Variants in ZNF831 observed in about 807,000 individuals in gnomAD.
ZNF831 encodes the protein chromosome 20 open reading frame 174.
A neutral mutation model predicts 95.8 loss-of-function variants in ZNF831; 59 were observed. The observed-to-expected ratio is 0.62, with a 90% CI of 0.50 to 0.77. The LOEUF is 0.77. Ranked by LOEUF, ZNF831 falls within the 30% of genes least tolerant of loss-of-function variation. The probability of loss-of-function intolerance (pLI) is 0.00; values close to 1 mark genes in which losing one functional copy is unlikely to be tolerated. For synonymous variants in ZNF831, 961 were observed against 925.5 expected (o/e 1.04, Z -0.70); for missense variants, 2,205 against 2,164.0 (o/e 1.02, Z -0.38).
chr20:59,140,840 A>G (rs1171324402), intron 1 of ZNF831, among the ~76,000 whole-genome samples: 2 of 152,118 alleles, frequency 1.3e-5, no homozygotes, highest in Non-Finnish European at 2.9e-5. Context: ...TTCTGTCTGG[A>G]TATTGGCCCT....
chr20:59,180,643 T>C (rs952277238), intron 1 of ZNF831, among the ~76,000 whole-genome samples: 1 of 152,118 alleles, frequency 6.6e-6, no homozygotes, highest in Non-Finnish European at 1.5e-5. Context: ...TCTGTTCCTG[T>C]GTTAGTTTGC....
chr20:59,200,731 A>G (rs1365397011), intron 3 of ZNF831, among the ~76,000 whole-genome samples: 5 of 152,032 alleles, frequency 3.3e-5, no homozygotes, highest in African/African-American at 1.2e-4. Flanking sequence ...GAATCATACA[A>G]TATATGCTCT....
In ZNF831 at chr20:59,191,674, A is replaced by G. The variant is rs2146551479; in HGVS notation, c.655A>G (p.Lys219Glu). ...AGGGLLEEGD[K>E]AGEPPRPEGR... is the part of the protein sequence containing the mutation. ...GGGCGGCCTCCTGGAGGAAGGGGAC[A>G]AGGCCGGAGAGCCCCCCAGACCAGA... The change falls in exon 2 of 6, where the codon AAG becomes GAG. Residue 219 changes from lysine to glutamate, a missense_variant. Transcript: ENST00000371030. The G allele has an allele frequency of 6.4e-7, 1 of 1,558,340 alleles. No individual in the cohort carries two copies. The highest frequency in any genetic ancestry group is 8.7e-7 in the Non-Finnish European group (1 of 1,152,434).
rs1052104898 is a variant in ZNF831 at position 59,211,062 on chromosome 20, A to C, written c.4027+4006A>C. On this transcript the variant is annotated intron_variant, in intron 4 of 5. Transcript: ENST00000371030. Reference sequence around the variant, plus strand: ...CTCAAAAAAAAAGAAAAAAAAAAAAAAAACAAATCCAAGGAGAAAAAAAAA... The same window carrying C: ...CTCAAAAAAAAAGAAAAAAAAAAAACAAACAAATCCAAGGAGAAAAAAAAA... Among the ~76,000 whole-genome samples the C allele has an allele frequency of 3.3e-5, 5 of 151,696 alleles. 1 individual carries two copies. Among genetic ancestry groups the C allele is most frequent in the African/African-American group, 4.9e-5 (2 of 41,220 alleles).
chr20:59,212,206 A>G (rs748935507), intron 4 of ZNF831, among the ~76,000 whole-genome samples: 7 of 152,178 alleles, frequency 4.6e-5, no homozygotes, highest in African/African-American at 1.7e-4. Flanking sequence ...AAATATTTTT[A>G]AAAAAGATGT....
chr20:59,191,705 G>C lies in ZNF831; in HGVS notation c.686G>C (p.Arg229Thr), dbSNP rs749472461. 1 of 1,568,510 alleles carries C rather than the reference G, an allele frequency of 6.4e-7. No homozygotes were observed. Among genetic ancestry groups the C allele is most frequent in the Non-Finnish European group, 8.6e-7 (1 of 1,156,268 alleles). The change falls in exon 2 of 6, where the codon AGG (arginine) becomes ACG (threonine). Residue 229 changes from arginine (R) to threonine (T), a missense_variant. By Grantham distance (71) the Arg-to-Thr change is moderately conservative (BLOSUM62 -1). Transcript: ENST00000371030. ...KAGEPPRPEGRGESRCQGMHE... is the reference protein window; with the variant it reads ...KAGEPPRPEGTGESRCQGMHE... ...GGAGAGCCCCCCAGACCAGAGGGCAGGGGCGAGAGCAGGTGCCAGGGGATG... is the reference window on the plus strand; with the variant it reads ...GGAGAGCCCCCCAGACCAGAGGGCACGGGCGAGAGCAGGTGCCAGGGGATG...
At chr20:59,253,196 G>A (rs1334391030) in intron 5 of ZNF831, 58 bp downstream of exon 5, 32 of 1,570,742 alleles carry the variant, frequency 2.0e-5, no homozygotes, top group Non-Finnish European at 2.6e-5. Flanking sequence ...GTATAGCCCT[G>A]CTTGTTCTTG....
chr20:59,194,690 C>A lies in ZNF831; in HGVS notation c.3671C>A (p.Pro1224His), dbSNP rs2146603786. Residue 1224 changes from proline (P) to histidine (H), a missense_variant, in exon 2 of 6, where the codon CCT becomes CAT. Transcript: ENST00000371030. ...SSLRDEGPNGPPGSNGGWTWT... is the reference protein window; with the variant it reads ...SSLRDEGPNGHPGSNGGWTWT... ...CTCCGAGATGAGGGTCCCAATGGCCCTCCTGGGAGCAATGGAGGATGGACC... is the reference window on the plus strand; with the variant it reads ...CTCCGAGATGAGGGTCCCAATGGCCATCCTGGGAGCAATGGAGGATGGACC... 6.2e-7 allele frequency: 1 copy of A among 1,609,896 alleles called. No homozygotes were observed. The highest frequency in any genetic ancestry group is 8.5e-7 in the Non-Finnish European group (1 of 1,177,956).
chr20:59,214,493 G>A (rs543541051), intron 4 of ZNF831, among the ~76,000 whole-genome samples: 2 of 152,218 alleles, frequency 1.3e-5, no homozygotes, highest in South Asian at 4.1e-4. Flanking sequence ...GTCATCTTGA[G>A]TCAGCTGGTG....
At chr20:59,230,958 G>A (rs187776023) in intron 4 of ZNF831, among the ~76,000 whole-genome samples, 6 of 152,310 alleles carry the variant, frequency 3.9e-5, no homozygotes, top group Admixed American at 3.9e-4. Context: ...CTGGAGGCCA[G>A]GTTTCTTCTG....
At chr20:59,251,019 A>G (rs1185929586) in intron 4 of ZNF831, among the ~76,000 whole-genome samples, 1 of 152,220 alleles carries the variant, frequency 6.6e-6, no homozygotes, top group Non-Finnish European at 1.5e-5. Flanking sequence ...GTTAATGACA[A>G]TGTTTTGTAT....
chr20:59,129,084 C>T (rs538119453), intron 1 of ZNF831, among the ~76,000 whole-genome samples: 31 of 152,304 alleles, frequency 2.0e-4, no homozygotes, highest in African/African-American at 7.2e-4. Context: ...TAATTTTAGA[C>T]TCACAGGAAG....
At position 59,226,466 on chromosome 20, in the gene ZNF831, C is replaced by T. The variant is rs573594195; in HGVS notation, c.4027+19410C>T. ...TCCCTCCACATTTTTCTTGAGAGTA[C>T]CCCTTTAATAAAGCACTTTCACAAG... is the stretch of plus-strand genomic sequence containing the variant. On this transcript the variant is annotated intron_variant, in intron 4 of 5. Coordinates refer to ENST00000371030, the MANE Select transcript of ZNF831 (RefSeq NM_178457.3). 5.8e-4 allele frequency among the ~76,000 whole-genome samples: 88 copies of T among 152,104 alleles called. 1 individual carries two copies. The highest frequency in any genetic ancestry group is 6.6e-4 in the Non-Finnish European group (45 of 68,010).
rs1380464081 is a variant in ZNF831 at position 59,214,357 on chromosome 20, C to T, written c.4027+7301C>T. 7.2e-5 allele frequency among the ~76,000 whole-genome samples: 11 copies of T among 152,282 alleles called. No homozygotes were observed. The East Asian group carries it at 2.1e-3, about 29-fold the overall frequency. ...TGGGTCAGGGAAGGGTGAGCTTCAA[C>T]AGTCAGGGTGTAGGTTAAATGCATG... is the stretch of plus-strand genomic sequence containing the variant. On this transcript the variant is annotated intron_variant, in intron 4 of 5. Transcript: ENST00000371030.
chr20:59,248,517 G>A (rs559071584), intron 4 of ZNF831, among the ~76,000 whole-genome samples: 2 of 152,302 alleles, frequency 1.3e-5, no homozygotes, highest in South Asian at 4.1e-4. Context: ...TACTTTCATA[G>A]ATGAGTCAGA....
intron 5 of ZNF831, among the ~76,000 whole-genome samples, chr20:59,253,395 C>T (rs998196299): frequency 6.6e-6 from 1 of 152,086 alleles, no homozygotes; most frequent in African/African-American, 2.4e-5. Context: ...TTACTGCACA[C>T]CTGAATAGAG....
At chr20:59,171,856 C>T (rs1981764215) in intron 1 of ZNF831, among the ~76,000 whole-genome samples, 1 of 152,204 alleles carries the variant, frequency 6.6e-6, no homozygotes, top group Non-Finnish European at 1.5e-5. Flanking sequence ...TCCTTGACCT[C>T]AGCTGCCCTG....
chr20:59,183,798 A>T (rs1249556906), intron 1 of ZNF831, among the ~76,000 whole-genome samples: 1 of 152,218 alleles, frequency 6.6e-6, no homozygotes, highest in Non-Finnish European at 1.5e-5. Flanking sequence ...GAGACCTCCC[A>T]TCCACCTCTT....
In ZNF831 at chr20:59,257,172, G is replaced by A. The variant is rs188083386; in HGVS notation, c.*2429G>A. The A allele has an allele frequency of 2.0e-5, 3 of 152,344 alleles. No individual in the cohort carries two copies. The highest frequency in any genetic ancestry group is 4.8e-5 in the African/African-American group (2 of 41,566). The allele number at this position is 152,344 out of a possible 1,614,324, so 9.4% of individuals were successfully genotyped here. On this transcript the variant is annotated 3_prime_UTR_variant, in exon 6 of 6. Coordinates refer to ENST00000371030, the MANE Select transcript of ZNF831 (RefSeq NM_178457.3). ...ATCCCAACCTAGGTCAAATATGGCG[G>A]AATATTGATTTCGTCTCTAACTCCC...
Sources: gnomAD v4.1 joint callset for allele counts (sites outside exome capture counted in the v4.1 genomes callset) on GRCh38, gnomAD v4.1.1 for gene constraint, MANE v1.5 for transcripts, NCBI Gene and HGNC (gene_info 2026-07-23, HGNC 2026-07-21) for gene names.